Variants in NBR1 observed in about 807,000 individuals in gnomAD.
NBR1 encodes NBR1 autophagy cargo receptor.
In NBR1, 59 loss-of-function variants were observed where a neutral mutation model predicts 115.5. That is an observed-to-expected ratio of 0.51 (90% confidence interval 0.41 to 0.63). NBR1 has a LOEUF of 0.63. Among genes scored for constraint, NBR1 ranks in the 30% least tolerant of loss-of-function variants. NBR1 has a pLI of 0.00. For missense variants in NBR1, 1,043 were observed against 1,150.5 expected (o/e 0.91, Z 1.35); for synonymous variants, 373 against 414.7 (o/e 0.90, Z 1.22).
intron 5 of NBR1, among the ~76,000 whole-genome samples, chr17:43,185,787 G>A (rs926705692): frequency 1.1e-4 from 17 of 152,054 alleles, no homozygotes; most frequent in Non-Finnish European, 1.8e-4. Context: ...ACCTGAGGTC[G>A]GGAGTTCGAG....
chr17:43,206,498 A>T (rs2057320654), intron 20 of NBR1, among the ~76,000 whole-genome samples: 1 of 151,964 alleles, frequency 6.6e-6, no homozygotes, highest in Non-Finnish European at 1.5e-5. Context: ...TCTACTAAAA[A>T]TACAAAAATT....
chr17:43,175,641 A>C (rs1317838967), intron 1 of NBR1, 150 bp from the exon 2 acceptor site: 5 of 473,162 alleles, frequency 1.1e-5, no homozygotes, highest in Non-Finnish European at 1.9e-5. Flanking sequence ...TCGTAAGAAC[A>C]GGGACAGTGT....
At position 43,191,581 on chromosome 17, in the gene NBR1, T is replaced by G. The variant is rs777185150; in HGVS notation, c.1073T>G (p.Met358Arg). 1.2e-6 allele frequency: 2 copies of G among 1,606,012 alleles called. No homozygotes were observed. The highest frequency in any genetic ancestry group is 8.5e-7 in the Non-Finnish European group (1 of 1,176,432). ...PESLLQSNTL[M>R]LPLQPCTSVM... is the part of the protein sequence containing the mutation. ...AGCTTGCTCCAGTCTAATACCCTGA[T>G]GTAAGCCCAGGACTGGGGTGGGAGC... The change falls in exon 10 of 21, where the codon ATG (methionine) becomes AGG (arginine). Residue 358 changes from methionine (M) to arginine (R), a missense_variant and splice_region_variant. Met to Arg is a moderately conservative substitution (Grantham distance 91). Coordinates refer to ENST00000590996, the MANE Select transcript of NBR1 (RefSeq NM_005899.5).
At chr17:43,170,415 C>T (rs75447274), upstream of NBR1, 2,887 of 153,542 alleles carry the variant, frequency 0.019, 42 homozygotes, top group Non-Finnish European at 0.027. Context: ...AAGAATTCTA[C>T]CTGAGTTCGC....
At position 43,196,928 on chromosome 17, in the gene NBR1, C is replaced by T. The variant is rs778984640; in HGVS notation, c.1862-14C>T. 12 of 1,613,420 alleles carry T rather than the reference C, an allele frequency of 7.4e-6. No homozygotes were observed. Among genetic ancestry groups the T allele is most frequent in the East Asian group, 6.7e-5 (3 of 44,894 alleles). On this transcript the variant is annotated splice_polypyrimidine_tract_variant and intron_variant, in intron 15 of 20. Transcript: ENST00000590996. ...TTAAACACCCAGTGCAGATAAGGTT[C>T]GTGTGTCTTTCAGATTCTATGGTGT...
rs987946589 is a variant in NBR1, at chr17:43,175,956, A to G, written c.102+55A>G. On this transcript the variant is annotated intron_variant, in intron 2 of 20. Coordinates refer to ENST00000590996, the MANE Select transcript of NBR1 (RefSeq NM_005899.5). ...GGTTTAAGCATGGTTATTTTTTCCA[A>G]AGGTAGCTATTTTTAGCAGTGTTGT... 3 of 1,038,532 alleles carry G rather than the reference A, an allele frequency of 2.9e-6. No homozygotes were observed. In the African/African-American group the frequency reaches 4.8e-5, roughly 17 times the overall value. The allele number at this position is 1,038,532 out of a possible 1,614,324, so 64.3% of individuals were successfully genotyped here. A position where few individuals can be genotyped will look rare whatever the true frequency, so the allele number is the denominator to read the frequency against.
intron 6 of NBR1, among the ~76,000 whole-genome samples, chr17:43,187,634 G>A (rs1440710268): frequency 4.8e-5 from 7 of 144,836 alleles, no homozygotes; most frequent in African/African-American, 1.0e-4. Context: ...TCAGCCTCCC[G>A]AGTAGCTGGG....
chr17:43,191,716 G>C (rs1466975903), intron 10 of NBR1, 135 bp downstream of exon 10: 3 of 646,060 alleles, frequency 4.6e-6, no homozygotes, highest in Non-Finnish European at 8.1e-6. Context: ...TCTGGTCTTA[G>C]TATTTTTTGT....
chr17:43,177,626 G>T, intron 2 of NBR1, among the ~76,000 whole-genome samples: 1 of 132,498 alleles, frequency 7.5e-6, no homozygotes, highest in Non-Finnish European at 1.6e-5. Context: ...CACACAGTTT[G>T]GTATTCTGAT....
At position 43,190,676 on chromosome 17, in the gene NBR1, G is replaced by A. The variant is rs374816564; in HGVS notation, c.763G>A (p.Val255Ile). ...AGPYGHDTNH[V>I]LLKLRRPVVG... is the part of the protein sequence containing the mutation. ...GCCATATGGCCATGACACTAACCACGTCCTGCTGAAGTTGCGGAGACCTGT... is the reference window on the plus strand; with the variant it reads ...GCCATATGGCCATGACACTAACCACATCCTGCTGAAGTTGCGGAGACCTGT... Residue 255 changes from valine (V) to isoleucine (I), a missense_variant, in exon 9 of 21, where the codon GTC (valine) becomes ATC (isoleucine). Val to Ile is a conservative substitution (Grantham distance 29, BLOSUM62 3). Transcript: ENST00000590996. The A allele has an allele frequency of 1.2e-4, 196 of 1,613,550 alleles. No individual in the cohort carries two copies. The highest frequency in any genetic ancestry group is 1.6e-4 in the Non-Finnish European group (188 of 1,179,748).
At chr17:43,187,416 A>G (rs564616125) in intron 6 of NBR1, among the ~76,000 whole-genome samples, 2 of 150,500 alleles carry the variant, frequency 1.3e-5, no homozygotes, top group South Asian at 2.1e-4. Context: ...TCCTGACCTC[A>G]TGGTCCGCCC....
intron 15 of NBR1, 25 bp from the exon 16 acceptor site, chr17:43,196,917 C>T (rs758062696): frequency 6.2e-6 from 10 of 1,612,896 alleles, no homozygotes; most frequent in Non-Finnish European, 8.5e-6. Context: ...ACACCCAGTG[C>T]AGATAAGGTT....
intron 16 of NBR1, among the ~76,000 whole-genome samples, chr17:43,199,465 C>T (rs2057145373): frequency 6.6e-6 from 1 of 151,848 alleles, no homozygotes; most frequent in Non-Finnish European, 1.5e-5. Flanking sequence ...CCTCCGCCTT[C>T]CCAGGTTCAC....
intron 10 of NBR1, among the ~76,000 whole-genome samples, chr17:43,192,319 C>T (rs146892723): frequency 3.0e-3 from 454 of 150,460 alleles, no homozygotes; most frequent in Middle Eastern, 0.018. Context: ...ACTGCGCCTG[C>T]CTGGCGTGGT....
intron 5 of NBR1, among the ~76,000 whole-genome samples, chr17:43,184,372 C>CTTTTTCTTTTT (rs2056749980): frequency 1.0e-5 from 1 of 96,194 alleles, no homozygotes; most frequent in African/African-American, 3.3e-5. Flanking sequence ...AAATACTATT[C>CTTTTTCTTTTT]TTTTTTTTTT....
At position 43,200,487 on chromosome 17, in the gene NBR1, C is replaced by T; in HGVS notation, c.2347C>T (p.Leu783Phe). ...GGAACCAGCTGAGGCTGGGGAAAGA[C>T]TCCCTGGAGGGGAGAACCAGCCACA... ...GQEPAEAGER[L>F]PGGENQPQEH... The change falls in exon 17 of 21, where the codon CTC becomes TTC. Residue 783 changes from leucine to phenylalanine, a missense_variant. Coordinates refer to ENST00000590996, the MANE Select transcript of NBR1 (RefSeq NM_005899.5). 2 of 1,613,774 alleles carry T rather than the reference C, an allele frequency of 1.2e-6. No individual in the cohort carries two copies. Among genetic ancestry groups the T allele is most frequent in the East Asian group, 4.5e-5 (2 of 44,876 alleles).
chr17:43,194,621 T>C lies in NBR1; in HGVS notation c.1674+122T>C, dbSNP rs2057025006. 2.7e-6 allele frequency: 3 copies of C among 1,110,250 alleles called. No homozygotes were observed. In the East Asian group the frequency reaches 7.2e-5, roughly 27 times the overall value. The allele number at this position is 1,110,250 out of a possible 1,614,324, so 68.8% of individuals were successfully genotyped here. On this transcript the variant is annotated intron_variant, in intron 13 of 20. Transcript: ENST00000590996. ...ATGCCCACTTTGATCTAGTCAGGTA[T>C]ATTTAATGGGAAGGAGATCACCCAT...
chr17:43,209,685 C>T, intron 20 of NBR1: 1 of 1,535,430 alleles, frequency 6.5e-7, no homozygotes, highest in Non-Finnish European at 8.7e-7. Context: ...TCTCCTCCTT[C>T]AAGTACACAG....
chr17:43,192,401 G>A (rs907074798), intron 10 of NBR1, among the ~76,000 whole-genome samples: 4 of 149,716 alleles, frequency 2.7e-5, no homozygotes, highest in Admixed American at 6.7e-5. Flanking sequence ...TTGGAGTCTC[G>A]CCTGTTGCCC....
Sources: allele counts gnomAD v4.1 joint callset (sites outside exome capture counted in the v4.1 genomes callset), GRCh38; gene constraint gnomAD v4.1.1; transcripts MANE v1.5; gene names NCBI Gene and HGNC (gene_info 2026-07-23, HGNC 2026-07-21).